Variants in CDK19 observed in about 807,000 individuals in gnomAD.
The protein encoded by CDK19 is cyclin-dependent kinase 19.
CDK19 carries 20 observed loss-of-function variants against 68.3 expected under a neutral mutation model. That is an observed-to-expected ratio of 0.29 (90% CI 0.21 to 0.43). The LOEUF (loss-of-function observed/expected upper bound fraction) is 0.43, where lower values mean the gene tolerates loss of function less well. Ranked by LOEUF, CDK19 falls within the 20% of genes least tolerant of loss-of-function variation. The probability of loss-of-function intolerance (pLI) is 1.00; values close to 1 mark genes in which losing one functional copy is unlikely to be tolerated. For missense variants in CDK19, 339 were observed against 623.5 expected (o/e 0.54, Z 4.86); for synonymous variants, 221 against 222.8 (o/e 0.99, Z 0.07).
At chr6:110,666,447 A>AT (rs1781947690) in intron 4 of CDK19, among the ~76,000 whole-genome samples, 1 of 149,608 alleles carries the variant, frequency 6.7e-6, no homozygotes, top group Admixed American at 6.7e-5. Context: ...AAAAAAAAAA[A>AT]AAAAAAATTA....
At chr6:110,661,464 T>TG (rs1231287760) in intron 4 of CDK19, among the ~76,000 whole-genome samples, 1 of 140,028 alleles carries the variant, frequency 7.1e-6, no homozygotes, top group African/African-American at 2.7e-5. Flanking sequence ...TATTTAGAGA[T>TG]GGGGTCTCAC....
At position 110,610,560 on chromosome 6, in the gene CDK19, C is replaced by G. The variant is rs1360543601; in HGVS notation, c.*3975G>C. ...AGTAAGTATGGCCTTAGGTACAACACGTTTTTTAAAAACCCTAAAACAATG... is the reference window on the plus strand; with the variant it reads ...AGTAAGTATGGCCTTAGGTACAACAGGTTTTTTAAAAACCCTAAAACAATG... On this transcript the variant is annotated 3_prime_UTR_variant, in exon 13 of 13. Transcript: ENST00000368911. 6.6e-6 allele frequency: 1 copy of G among 151,932 alleles called. No individual in the cohort carries two copies. The highest frequency in any genetic ancestry group is 1.5e-5 in the Non-Finnish European group (1 of 67,952). 9.4% of individuals were successfully genotyped at this position (151,932 alleles called of 1,614,324 possible).
chr6:110,801,697 C>T (rs1366222169), intron 1 of CDK19, among the ~76,000 whole-genome samples: 1 of 152,012 alleles, frequency 6.6e-6, no homozygotes, highest in Non-Finnish European at 1.5e-5. Flanking sequence ...ATTTTTAGTA[C>T]AGACAGGGTT....
intron 1 of CDK19, among the ~76,000 whole-genome samples, chr6:110,786,446 G>A (rs1267569548): frequency 1.3e-5 from 2 of 152,110 alleles, no homozygotes; most frequent in East Asian, 1.9e-4. Context: ...TCTGGGCACT[G>A]TTTTCTCCAG....
chr6:110,663,432 T>G (rs1258525014), intron 4 of CDK19, among the ~76,000 whole-genome samples: 1 of 152,218 alleles, frequency 6.6e-6, no homozygotes, highest in Non-Finnish European at 1.5e-5. Flanking sequence ...TGAAAGTACT[T>G]TGGCAAAACC....
intron 2 of CDK19, among the ~76,000 whole-genome samples, chr6:110,738,278 G>A (rs1379083318): frequency 5.3e-5 from 8 of 151,980 alleles, no homozygotes; most frequent in Non-Finnish European, 7.4e-5. Context: ...GGAAGGCCAA[G>A]GTGACCAGAT....
At chr6:110,759,564 T>C (rs1025042277) in intron 1 of CDK19, among the ~76,000 whole-genome samples, 4 of 150,180 alleles carry the variant, frequency 2.7e-5, no homozygotes, top group Admixed American at 6.7e-5. Flanking sequence ...GATCGCACCA[T>C]TGCACTCTAG....
At chr6:110,747,923 A>G (rs571047516) in intron 1 of CDK19, among the ~76,000 whole-genome samples, 18 of 152,362 alleles carry the variant, frequency 1.2e-4, no homozygotes, top group African/African-American at 3.6e-4. Context: ...TTGTGGGTAC[A>G]GAGTGAGAGC....
rs1175891211 is a variant in CDK19, at chr6:110,689,823, C to T, written c.205-19282G>A. Among the ~76,000 whole-genome samples the T allele has an allele frequency of 2.0e-5, 3 of 152,182 alleles. No homozygotes were observed. In the East Asian group the frequency reaches 5.8e-4, roughly 29 times the overall value. On this transcript the variant is annotated intron_variant, in intron 2 of 12. Transcript: ENST00000368911. Reference sequence around the variant, plus strand: ...AGCACCAGCCTGGAGTGTGGCAGCCCCACTGGGCAGCTAGACCCACAGGAG... The same window carrying T: ...AGCACCAGCCTGGAGTGTGGCAGCCTCACTGGGCAGCTAGACCCACAGGAG...
At position 110,732,073 on chromosome 6, in the gene CDK19, C is replaced by A. The variant is rs527654207; in HGVS notation, c.204+14053G>T. On this transcript the variant is annotated intron_variant, in intron 2 of 12. Transcript: ENST00000368911. ...TTTTTACCCAACCCTCCCATCCCACCCACCTTGGCTCTTTTGCTCAGTAAA... is the reference window on the plus strand; with the variant it reads ...TTTTTACCCAACCCTCCCATCCCACACACCTTGGCTCTTTTGCTCAGTAAA... Among the ~76,000 whole-genome samples, 51 of 152,114 alleles carry A rather than the reference C, an allele frequency of 3.4e-4. 1 individual carries two copies. In the South Asian group the frequency reaches 0.01, roughly 31 times the overall value.
chr6:110,692,261 T>C (rs1376579615), intron 2 of CDK19, among the ~76,000 whole-genome samples: 1 of 148,618 alleles, frequency 6.7e-6, no homozygotes, highest in South Asian at 2.1e-4. Flanking sequence ...GCCACTGCAC[T>C]CCAGCCTGGT....
At chr6:110,803,241 G>A (rs543876163) in intron 1 of CDK19, among the ~76,000 whole-genome samples, 48 of 152,194 alleles carry the variant, frequency 3.2e-4, no homozygotes, top group Admixed American at 1.3e-3. Flanking sequence ...CACCATGCCC[G>A]GCTCATTTTT....
At chr6:110,812,968 T>C (rs1352711975) in intron 1 of CDK19, among the ~76,000 whole-genome samples, 1 of 151,732 alleles carries the variant, frequency 6.6e-6, no homozygotes, top group African/African-American at 2.4e-5. Context: ...AGATCTTTCA[T>C]CCAGGAAAAA....
chr6:110,776,734 T>C (rs559082879), intron 1 of CDK19, among the ~76,000 whole-genome samples: 8 of 152,350 alleles, frequency 5.3e-5, no homozygotes, highest in East Asian at 1.9e-4. Context: ...GCATTTGACA[T>C]ACTATGTTGA....
At chr6:110,761,893 T>C (rs963152206) in intron 1 of CDK19, among the ~76,000 whole-genome samples, 1 of 152,270 alleles carries the variant, frequency 6.6e-6, no homozygotes, top group Admixed American at 6.5e-5. Context: ...AACTGAGATA[T>C]GGAGAAGGGA....
intron 1 of CDK19, among the ~76,000 whole-genome samples, chr6:110,795,219 C>A (rs967245401): frequency 2.0e-5 from 3 of 152,208 alleles, no homozygotes; most frequent in Non-Finnish European, 2.9e-5. Context: ...AATCCACACA[C>A]CTTGGCCTCC....
chr6:110,642,129 C>T (rs753601851), intron 4 of CDK19, among the ~76,000 whole-genome samples: 5 of 151,828 alleles, frequency 3.3e-5, no homozygotes, highest in African/African-American at 4.8e-5. Flanking sequence ...GGTGAAACCC[C>T]GTCTCTACTA....
intron 2 of CDK19, among the ~76,000 whole-genome samples, chr6:110,714,839 T>C (rs1424877841): frequency 6.6e-6 from 1 of 150,570 alleles, no homozygotes; most frequent in Admixed American, 6.6e-5. Flanking sequence ...GTGCAAGCAA[T>C]TCTCCTGCCT....
chr6:110,769,490 G>A (rs181562114), intron 1 of CDK19, among the ~76,000 whole-genome samples: 215 of 151,380 alleles, frequency 1.4e-3, no homozygotes, highest in African/African-American at 4.9e-3. Context: ...GCTTGAACCC[G>A]GGAGCTGGAG....
Sources: allele counts gnomAD v4.1 joint callset (sites outside exome capture counted in the v4.1 genomes callset), GRCh38; gene constraint gnomAD v4.1.1; transcripts MANE v1.5; gene names NCBI Gene and HGNC (gene_info 2026-07-23, HGNC 2026-07-21).